Variants in HCRTR2 observed in about 807,000 individuals in gnomAD.
HCRTR2 encodes the protein hypocretin receptor 2.
A neutral mutation model predicts 49.0 loss-of-function variants in HCRTR2; 22 were observed. The ratio of observed to expected loss-of-function variants is 0.45; its 90% CI spans 0.32 to 0.64. HCRTR2 has a LOEUF of 0.64. HCRTR2 is among the 30% of genes least tolerant of loss of function. HCRTR2 has a pLI of 0.04. For synonymous variants in HCRTR2, 236 were observed against 205.3 expected, an observed-to-expected ratio of 1.15 and a Z score of -1.28; for missense variants, 491 against 559.4, an observed-to-expected ratio of 0.88 and a Z score of 1.23.
At chr6:55,195,795 C>T (rs1483699525) in intron 1 of HCRTR2, among the ~76,000 whole-genome samples, 6 of 151,908 alleles carry the variant, frequency 3.9e-5, no homozygotes, top group East Asian at 3.9e-4. Flanking sequence ...GGTGAAACCC[C>T]GTCTCTACTA....
intron 1 of HCRTR2, among the ~76,000 whole-genome samples, chr6:55,180,965 A>ATTTTTTTTTT (rs11441768): frequency 7.2e-6 from 1 of 139,356 alleles, no homozygotes; most frequent in Non-Finnish European, 1.5e-5. Flanking sequence ...ATGCCCAGCT[A>ATTTTTTTTTT]TTTTTTTTTT....
At chr6:55,128,198 C>T (rs1013667667) in intron 1 of HCRTR2, among the ~76,000 whole-genome samples, 18 of 152,028 alleles carry the variant, frequency 1.2e-4, no homozygotes, top group African/African-American at 4.3e-4. Context: ...CCATTGCTTG[C>T]TTTTGTCCGG....
chr6:55,198,433 G>T (rs1581823871), intron 1 of HCRTR2, among the ~76,000 whole-genome samples: 1 of 151,978 alleles, frequency 6.6e-6, no homozygotes, highest in African/African-American at 2.4e-5. Context: ...TAACGTTCAG[G>T]CTACTTTTAA....
At chr6:55,275,856 A>G (rs1186542595) in intron 4 of HCRTR2, among the ~76,000 whole-genome samples, 1 of 151,930 alleles carries the variant, frequency 6.6e-6, no homozygotes, top group East Asian at 1.9e-4. Context: ...GTGACCGAAA[A>G]CTGTTTCTAA....
At chr6:55,193,977 A>G (rs547772429) in intron 1 of HCRTR2, among the ~76,000 whole-genome samples, 1 of 152,262 alleles carries the variant, frequency 6.6e-6, no homozygotes, top group South Asian at 2.1e-4. Flanking sequence ...AACACTGAAT[A>G]AAGATTTTTT....
At chr6:55,256,598 G>T (rs1766657340) in intron 3 of HCRTR2, among the ~76,000 whole-genome samples, 1 of 151,638 alleles carries the variant, frequency 6.6e-6, no homozygotes, top group Admixed American at 6.6e-5. Context: ...TCTTTTATTG[G>T]GATTTACTTT....
At chr6:55,176,995 T>C (rs183000565) in intron 1 of HCRTR2, among the ~76,000 whole-genome samples, 1 of 152,322 alleles carries the variant, frequency 6.6e-6, no homozygotes, top group East Asian at 1.9e-4. Context: ...TTTGTTGTTA[T>C]TGCATTTTTA....
intron 1 of HCRTR2, among the ~76,000 whole-genome samples, chr6:55,222,919 A>G (rs1464845244): frequency 1.3e-5 from 2 of 152,226 alleles, no homozygotes; most frequent in African/African-American, 4.8e-5. Flanking sequence ...TGTTAGGTCC[A>G]TGTTATGTGA....
chr6:55,218,365 A>T (rs139789705), intron 1 of HCRTR2, among the ~76,000 whole-genome samples: 1 of 152,232 alleles, frequency 6.6e-6, no homozygotes, highest in Non-Finnish European at 1.5e-5. Context: ...AAAGTGCTAT[A>T]TGATATATAG....
chr6:55,233,507 T>C (rs1270993198), intron 1 of HCRTR2, among the ~76,000 whole-genome samples: 2 of 152,114 alleles, frequency 1.3e-5, no homozygotes, highest in Non-Finnish European at 1.5e-5. Context: ...CTGGACAAAA[T>C]GGCAAGACCC....
chr6:55,145,651 G>A (rs1037880539), intron 1 of HCRTR2, among the ~76,000 whole-genome samples: 1 of 151,860 alleles, frequency 6.6e-6, no homozygotes, highest in African/African-American at 2.4e-5. Flanking sequence ...TCCTGACCTC[G>A]TGATCTGCCC....
At chr6:55,123,891 T>A (rs568184824) in intron 1 of HCRTR2, among the ~76,000 whole-genome samples, 6 of 152,196 alleles carry the variant, frequency 3.9e-5, no homozygotes, top group Admixed American at 6.5e-5. Flanking sequence ...CCATTTCTTC[T>A]AGGTTTTCTA....
rs546954639 is a variant in HCRTR2 at position 55,250,729 on chromosome 6, T to G, written c.402+1912T>G. On this transcript the variant is annotated intron_variant, in intron 2 of 6. Transcript: ENST00000370862. ...CTCTTATAATCACTTACAGTCCTCTTTCACACAGCAGAACTATTTAACAAG... is the reference window on the plus strand; with the variant it reads ...CTCTTATAATCACTTACAGTCCTCTGTCACACAGCAGAACTATTTAACAAG... Among the ~76,000 whole-genome samples the G allele has an allele frequency of 3.4e-4, 52 of 152,236 alleles. 1 individual carries two copies. The South Asian group carries it at 0.011, about 31-fold the overall frequency.
intron 4 of HCRTR2, among the ~76,000 whole-genome samples, chr6:55,268,276 G>A (rs1308692052): frequency 6.6e-6 from 1 of 151,860 alleles, no homozygotes; most frequent in African/African-American, 2.4e-5. Flanking sequence ...GCAGTAGTGA[G>A]GAAATAGAGG....
At chr6:55,218,245 G>A (rs1247749557) in intron 1 of HCRTR2, among the ~76,000 whole-genome samples, 1 of 152,152 alleles carries the variant, frequency 6.6e-6, no homozygotes, top group Admixed American at 6.5e-5. Flanking sequence ...CATTGGGGAT[G>A]AAGTTTCAAT....
At chr6:55,197,467 A>T (rs1051301433) in intron 1 of HCRTR2, among the ~76,000 whole-genome samples, 1 of 152,114 alleles carries the variant, frequency 6.6e-6, no homozygotes, top group Non-Finnish European at 1.5e-5. Flanking sequence ...CACTAACCCC[A>T]ATTCTATCTG....
In HCRTR2 at chr6:55,280,415, C is replaced by T. The variant is rs201320094; in HGVS notation, c.1076C>T (p.Ala359Val). Residue 359 changes from alanine to valine, a missense_variant, in exon 6 of 7, where the codon GCG becomes GTG. Ala to Val is a moderately conservative substitution (Grantham distance 64). Transcript: ENST00000370862. ...TGGCTTGTATATGCCAATAGTGCTGCGAATCCAATTATTTATAATTTTCTC... is the reference window on the plus strand; with the variant it reads ...TGGCTTGTATATGCCAATAGTGCTGTGAATCCAATTATTTATAATTTTCTC... ...SHWLVYANSA[A>V]NPIIYNFLSG... The T allele has an allele frequency of 3.0e-5, 48 of 1,611,506 alleles. No individual in the cohort carries two copies. Among genetic ancestry groups the T allele is most frequent in the Admixed American group, 8.3e-5 (5 of 59,942 alleles).
rs191318944 is a variant in HCRTR2, at chr6:55,118,457, G to C, written c.-378+11912G>C. ...GGTTGAATGGTATTTCTGTCTTTAG[G>C]TCTTTAAAGAATTGCCACACCGTCT... On this transcript the variant is annotated intron_variant, in intron 1 of 7. Coordinates refer to the HCRTR2 transcript ENST00000615358. Among the ~76,000 whole-genome samples, 8 of 151,726 alleles carry C rather than the reference G, an allele frequency of 5.3e-5. No homozygotes were observed. In the East Asian group the frequency reaches 1.4e-3, roughly 26 times the overall value.
intron 1 of HCRTR2, among the ~76,000 whole-genome samples, chr6:55,109,591 C>G (rs946691028): frequency 6.6e-6 from 1 of 151,660 alleles, no homozygotes; most frequent in African/African-American, 2.4e-5. Context: ...AAATTCTCAA[C>G]AATAGAATCA....
Sources: allele counts gnomAD v4.1 joint callset (sites outside exome capture counted in the v4.1 genomes callset), GRCh38; gene constraint gnomAD v4.1.1; transcripts MANE v1.5; gene names NCBI Gene and HGNC (gene_info 2026-07-23, HGNC 2026-07-21).